The following CLIP2 variants were observed in gnomAD, a reference collection of about 807,000 sequenced individuals.
CLIP2 encodes CAP-Gly domain containing linker protein 2, also known as CAP-Gly domain-containing linker protein 2.
Under a neutral mutation model 111.7 loss-of-function variants are expected in CLIP2, and 41 were observed. The ratio of observed to expected loss-of-function variants is 0.37; its 90% CI spans 0.29 to 0.48. The LOEUF (loss-of-function observed/expected upper bound fraction) is 0.48, where lower values mean the gene tolerates loss of function less well. Ranked by LOEUF, CLIP2 falls within the 20% of genes least tolerant of loss-of-function variation. The probability of loss-of-function intolerance (pLI) is 0.99; values close to 1 mark genes in which losing one functional copy is unlikely to be tolerated. For missense variants in CLIP2, 1,160 were observed against 1,422.1 expected (o/e 0.82, Z 2.96); for synonymous variants, 660 against 644.2 (o/e 1.02, Z -0.37).
chr7:74,384,144 C>T (rs1055060561), intron 11 of CLIP2, among the ~76,000 whole-genome samples: 2 of 151,956 alleles, frequency 1.3e-5, no homozygotes, highest in East Asian at 1.9e-4. Context: ...GAGCCAAGAT[C>T]GCGCCACTGC....
intron 4 of CLIP2, among the ~76,000 whole-genome samples, chr7:74,356,085 G>T (rs1257694291): frequency 1.3e-5 from 2 of 152,220 alleles, no homozygotes; most frequent in African/African-American, 4.8e-5. Context: ...ATTTGTGAAT[G>T]TAGATAACTT....
intron 1 of CLIP2, among the ~76,000 whole-genome samples, chr7:74,299,504 G>C (rs1024449050): frequency 6.6e-6 from 1 of 152,138 alleles, no homozygotes; most frequent in Non-Finnish European, 1.5e-5. Flanking sequence ...GGCCTGCTGG[G>C]TTCATCTTTT....
chr7:74,360,559 A>C (rs539253740), intron 7 of CLIP2, among the ~76,000 whole-genome samples: 1 of 152,126 alleles, frequency 6.6e-6, no homozygotes, highest in South Asian at 2.1e-4. Flanking sequence ...ACATTTTTAA[A>C]AATTTTTTTG....
chr7:74,300,964 A>G (rs1336221856), intron 1 of CLIP2, among the ~76,000 whole-genome samples: 1 of 152,200 alleles, frequency 6.6e-6, no homozygotes, highest in African/African-American at 2.4e-5. Flanking sequence ...GGATTGCTGG[A>G]TGGAAGGGCC....
rs1554312896 is a variant in CLIP2 at position 74,376,493 on chromosome 7, G to A, written c.2092G>A (p.Gly698Arg). 9.9e-6 allele frequency: 16 copies of A among 1,612,126 alleles called. No individual in the cohort carries two copies. Among genetic ancestry groups the A allele is most frequent in the Non-Finnish European group, 1.2e-5 (14 of 1,179,472 alleles). ...KLQEAQEELA[G>R]LQRHWRAQLE... ...GCAGGAGGCCCAGGAGGAGCTGGCT[G>A]GGCTGCAGCGGCACTGGCGGGCCCA... is the stretch of plus-strand genomic sequence containing the variant. The change falls in exon 10 of 17, where the codon GGG (glycine) becomes AGG (arginine). Residue 698 changes from glycine to arginine, a missense_variant. Physicochemically the swap from Gly to Arg is moderately radical, Grantham distance 125 (BLOSUM62 -2). Around this residue, in one of 5 missense-constraint regions of CLIP2, gnomAD observed 676 missense variants for 777.8 expected, o/e 0.87. Coordinates refer to ENST00000223398, the MANE Select transcript of CLIP2 (RefSeq NM_003388.5). The surrounding 1 kb of genome is among the most constrained non-coding windows in gnomAD (Gnocchi z 7.1).
In CLIP2 at chr7:74,330,249, T is replaced by TTTC. The variant is rs1554731118; in HGVS notation, c.122-8197_122-8196insCTT. ...TAGCTTCCTCTTGGTGTTTCTTTTC[T>TTTC]TTTTTTTTTTTTTCTTTCTTTTTTG... On this transcript the variant is annotated intron_variant, in intron 2 of 16. Coordinates refer to ENST00000223398, the MANE Select transcript of CLIP2 (RefSeq NM_003388.5). 2.1e-3 allele frequency among the ~76,000 whole-genome samples: 52 copies of TTTC among 24,462 alleles called. No individual in the cohort carries two copies. In the East Asian group the frequency reaches 0.034, roughly 16 times the overall value. 16.0% of individuals were successfully genotyped at this position (24,462 alleles called of 152,430 possible).
chr7:74,350,669 A>G (rs1789958538), intron 3 of CLIP2, among the ~76,000 whole-genome samples: 1 of 152,052 alleles, frequency 6.6e-6, no homozygotes, highest in South Asian at 2.1e-4. Context: ...GTTCAAGACC[A>G]GGCTGGGCAA....
intron 3 of CLIP2, among the ~76,000 whole-genome samples, chr7:74,351,768 G>A (rs1269261012): frequency 2.0e-5 from 3 of 152,150 alleles, no homozygotes; most frequent in East Asian, 1.9e-4. Context: ...CCTGGGAGGC[G>A]GAGGTTTCAG....
intron 9 of CLIP2, 109 bp downstream of exon 9, chr7:74,373,145 T>C (rs1790684632): frequency 1.5e-6 from 1 of 648,654 alleles, no homozygotes; most frequent in African/African-American, 1.8e-5. Context: ...GCTATCATCT[T>C]TTTTATTTTT....
Position 74,334,168 on chromosome 7 carries a change from T to C in CLIP2, c.122-4280T>C, listed in dbSNP as rs115265857. Among the ~76,000 whole-genome samples, 875 of 152,276 alleles carry C rather than the reference T, an allele frequency of 5.7e-3. 8 individuals are homozygous for C. Among genetic ancestry groups the C allele is most frequent in the African/African-American group, 0.019 (808 of 41,562 alleles). ...TGTCACTGATGACTCCCTGGAGGGA[T>C]AGGGAATTTCCCATGGTTTCTCAAC... On this transcript the variant is annotated intron_variant, in intron 2 of 16. Transcript: ENST00000223398.
chr7:74,363,845 G>A (rs950931363), intron 7 of CLIP2, among the ~76,000 whole-genome samples: 5 of 144,500 alleles, frequency 3.5e-5, no homozygotes, highest in South Asian at 2.2e-4. Flanking sequence ...TCAGTGAGCC[G>A]AGATCACACC....
At chr7:74,302,276 C>T (rs188873594) in intron 1 of CLIP2, among the ~76,000 whole-genome samples, 3 of 151,986 alleles carry the variant, frequency 2.0e-5, no homozygotes, top group Admixed American at 1.3e-4. Flanking sequence ...AGTGCAATGG[C>T]GCGATATCAG....
At chr7:74,375,254 TA>T (rs113498214) in intron 9 of CLIP2, among the ~76,000 whole-genome samples, 11,092 of 141,866 alleles carry the variant, frequency 0.078, 854 homozygotes, top group East Asian at 0.36. Context: ...CCGTCTCTTT[TA>T]AAAAAAAAAA....
At chr7:74,294,896 G>A (rs1788127102) in intron 1 of CLIP2, among the ~76,000 whole-genome samples, 1 of 152,184 alleles carries the variant, frequency 6.6e-6, no homozygotes, top group Admixed American at 6.6e-5. Context: ...CAGGGAGGCT[G>A]GGCTCTGGTG....
chr7:74,312,785 C>T (rs991343998), intron 1 of CLIP2, among the ~76,000 whole-genome samples: 3 of 152,156 alleles, frequency 2.0e-5, no homozygotes, highest in East Asian at 1.9e-4. Flanking sequence ...GGGCGCACCC[C>T]GGCATGTCGG....
At chr7:74,389,922 T>G (rs1791226014) in intron 13 of CLIP2, among the ~76,000 whole-genome samples, 1 of 15,224 alleles carries the variant, frequency 6.6e-5, no homozygotes, top group African/African-American at 3.2e-4. Context: ...ATAATAAAGT[T>G]TTTTTTTTTT....
chr7:74,317,697 G>A, intron 2 of CLIP2, 30 bp downstream of exon 2: 1 of 1,414,344 alleles, frequency 7.1e-7, no homozygotes, highest in Non-Finnish European at 9.3e-7. Context: ...TGGGGGGTGA[G>A]GGGACTGGCT....
At chr7:74,351,632 G>T (rs1183181002) in intron 3 of CLIP2, among the ~76,000 whole-genome samples, 2 of 151,356 alleles carry the variant, frequency 1.3e-5, no homozygotes, top group Non-Finnish European at 2.9e-5. Context: ...GGTCAGAAGT[G>T]CGAGACCAGC....
intron 1 of CLIP2, among the ~76,000 whole-genome samples, chr7:74,303,056 C>T (rs573240323): frequency 6.6e-6 from 1 of 152,246 alleles, no homozygotes; most frequent in East Asian, 1.9e-4. Context: ...TACAGACAGC[C>T]GGGCACCCTC....
Sources: gnomAD v4.1 joint callset for allele counts (sites outside exome capture counted in the v4.1 genomes callset) on GRCh38, gnomAD v4.1.1 for gene constraint, gnomAD v4.1.1 regional missense constraint, Gnocchi (gnomAD v3.1) non-coding constraint, MANE v1.5 for transcripts, NCBI Gene and HGNC (gene_info 2026-07-23, HGNC 2026-07-21) for gene names.